The following GTF3C5 variants were observed in gnomAD, a reference collection of about 807,000 sequenced individuals.
GTF3C5 encodes the protein general transcription factor 3C polypeptide 5.
Under a neutral mutation model 61.0 loss-of-function variants are expected in GTF3C5, and 47 were observed. That is an observed-to-expected ratio of 0.77 (90% confidence interval 0.61 to 0.98). The LOEUF is 0.98. GTF3C5 is among the 50% of genes least tolerant of loss of function. The pLI, the probability that GTF3C5 is intolerant of heterozygous loss-of-function variation, is 0.00. For synonymous variants in GTF3C5, 295 were observed against 275.4 expected (o/e 1.07, Z -0.71); for missense variants, 659 against 703.3 (o/e 0.94, Z 0.71).
At chr9:133,041,216 T>G (rs1254176070) in intron 1 of GTF3C5, among the ~76,000 whole-genome samples, 1 of 152,142 alleles carries the variant, frequency 6.6e-6, no homozygotes, top group Non-Finnish European at 1.5e-5. Context: ...AGTCTCCCTT[T>G]CCCTGGGGGA....
In GTF3C5 at chr9:133,051,348, C is replaced by T. The variant is rs189228623; in HGVS notation, c.768+370C>T. ...ACTTTCTTACCGTTAGAACTGGAAC[C>T]GTGCTGCCAGGCAGCCCTCCTTCCC... On this transcript the variant is annotated intron_variant, in intron 4 of 10. Coordinates refer to ENST00000372097, the MANE Select transcript of GTF3C5 (RefSeq NM_012087.4). 2.6e-5 allele frequency among the ~76,000 whole-genome samples: 4 copies of T among 152,358 alleles called. No individual in the cohort carries two copies. In the East Asian group the frequency reaches 7.7e-4, roughly 29 times the overall value.
chr9:133,048,419 C>T (rs1850267902), intron 3 of GTF3C5, among the ~76,000 whole-genome samples: 1 of 152,220 alleles, frequency 6.6e-6, no homozygotes, highest in Admixed American at 6.5e-5. Flanking sequence ...ATGGCGTGAA[C>T]CCGCGAGGCG....
intron 1 of GTF3C5, among the ~76,000 whole-genome samples, chr9:133,032,679 CG>C (rs1227319012): frequency 6.6e-6 from 1 of 152,076 alleles, no homozygotes; most frequent in Non-Finnish European, 1.5e-5. Flanking sequence ...GAGCTGTCTC[CG>C]TAAGTCTTTG....
intron 5 of GTF3C5, 49 bp downstream of exon 5, chr9:133,052,213 C>G (rs1485302457): frequency 2.0e-6 from 2 of 987,832 alleles, no homozygotes; most frequent in African/African-American, 3.2e-5. Context: ...CCCATGTGGT[C>G]CCTGGTCCCT....
At chr9:133,044,813 C>T (rs750522761) in intron 3 of GTF3C5, among the ~76,000 whole-genome samples, 1 of 152,132 alleles carries the variant, frequency 6.6e-6, no homozygotes, top group Non-Finnish European at 1.5e-5. Context: ...GACAGGCGCT[C>T]ACTCTCTCTC....
chr9:133,033,671 G>A (rs1341226572), intron 1 of GTF3C5, among the ~76,000 whole-genome samples: 2 of 152,106 alleles, frequency 1.3e-5, no homozygotes, highest in African/African-American at 2.4e-5. Flanking sequence ...AAGAGCTACC[G>A]TACAGCCCAT....
intron 1 of GTF3C5, among the ~76,000 whole-genome samples, chr9:133,041,857 G>A (rs1850049392): frequency 6.6e-6 from 1 of 152,206 alleles, no homozygotes; most frequent in African/African-American, 2.4e-5. Flanking sequence ...CTTGATGGAT[G>A]ATGGCATTTA....
At chr9:133,045,285 G>A (rs1442582505) in intron 3 of GTF3C5, among the ~76,000 whole-genome samples, 3 of 152,114 alleles carry the variant, frequency 2.0e-5, no homozygotes, top group African/African-American at 4.8e-5. Context: ...CACCCCCATC[G>A]TACACATGAG....
intron 3 of GTF3C5, among the ~76,000 whole-genome samples, chr9:133,047,670 C>T (rs980873046): frequency 1.1e-4 from 17 of 152,008 alleles, no homozygotes; most frequent in African/African-American, 2.2e-4. Context: ...TACAGGTGCG[C>T]GCCATCACGC....
At chr9:133,037,244 C>T (rs1849888946) in intron 1 of GTF3C5, among the ~76,000 whole-genome samples, 1 of 152,086 alleles carries the variant, frequency 6.6e-6, no homozygotes, top group African/African-American at 2.4e-5. Context: ...CACTGATGGT[C>T]GTATGGAATT....
intron 1 of GTF3C5, among the ~76,000 whole-genome samples, chr9:133,041,566 CTT>C (rs1367703046): frequency 1.3e-5 from 2 of 152,220 alleles, no homozygotes; most frequent in African/African-American, 4.8e-5. Context: ...GACTCACACT[CTT>C]TACCCTGCCC....
At chr9:133,055,583 C>G (rs573761443) in intron 8 of GTF3C5, 385 of 985,456 alleles carry the variant, frequency 3.9e-4, no homozygotes, top group Admixed American at 5.5e-4. Flanking sequence ...AGAGCAAACA[C>G]TCACTAAGCC....
At chr9:133,048,525 C>T (rs566995464) in intron 3 of GTF3C5, among the ~76,000 whole-genome samples, 3 of 152,172 alleles carry the variant, frequency 2.0e-5, no homozygotes, top group South Asian at 2.1e-4. Context: ...AAAAATTAGC[C>T]GGGCGTGGTG....
intron 6 of GTF3C5, among the ~76,000 whole-genome samples, chr9:133,054,152 C>G (rs543192135): frequency 4.6e-5 from 7 of 152,236 alleles, no homozygotes; most frequent in Non-Finnish European, 7.3e-5. Context: ...GTTTCTGAAC[C>G]ACAGTCCCTC....
intron 8 of GTF3C5, 142 bp downstream of exon 8, chr9:133,054,951 TTCAGA>T: frequency 6.4e-7 from 1 of 1,551,370 alleles, no homozygotes; most frequent in Non-Finnish European, 8.7e-7. Flanking sequence ...TAGGTCAGCC[TTCAGA>T]CACTGAGGGT....
At chr9:133,055,578 A>G (rs866982569) in intron 8 of GTF3C5, 2 of 985,470 alleles carry the variant, frequency 2.0e-6, no homozygotes, top group Non-Finnish European at 2.4e-6. Flanking sequence ...AGGAGAGAGC[A>G]AACACTCACT....
chr9:133,047,364 C>T (rs988647955), intron 3 of GTF3C5, among the ~76,000 whole-genome samples: 1 of 152,046 alleles, frequency 6.6e-6, no homozygotes, highest in South Asian at 2.1e-4. Context: ...TAAATTGTAC[C>T]TGTTAGAAAA....
intron 5 of GTF3C5, 24 bp from the exon 6 acceptor site, chr9:133,053,804 A>G (rs1265911608): frequency 2.0e-6 from 3 of 1,513,716 alleles, no homozygotes; most frequent in Non-Finnish European, 2.7e-6. Context: ...CTCACCTCAC[A>G]TTTTCCCCAC....
intron 1 of GTF3C5, among the ~76,000 whole-genome samples, chr9:133,034,067 G>C (rs73662413): frequency 1.8e-4 from 28 of 152,186 alleles, no homozygotes; most frequent in African/African-American, 6.0e-4. Flanking sequence ...CTCCTAACCC[G>C]TACCGTCCGA....
Sources: gnomAD v4.1 joint callset for allele counts (sites outside exome capture counted in the v4.1 genomes callset) on GRCh38, gnomAD v4.1.1 for gene constraint, MANE v1.5 for transcripts, NCBI Gene and HGNC (gene_info 2026-07-23, HGNC 2026-07-21) for gene names.